The following PTPRG variants were observed in gnomAD, a reference collection of about 807,000 sequenced individuals.
The protein encoded by PTPRG is receptor-type tyrosine-protein phosphatase gamma.
In PTPRG, 102 loss-of-function variants were observed where a neutral mutation model predicts 165.3. The observed-to-expected ratio is 0.62, with a 90% CI of 0.53 to 0.73. The LOEUF is 0.73. Ranked by LOEUF, PTPRG falls within the 30% of genes least tolerant of loss-of-function variation. The probability of loss-of-function intolerance (pLI) is 0.00; values close to 1 mark genes in which losing one functional copy is unlikely to be tolerated. For missense variants in PTPRG, 1,866 were observed against 1,861.4 expected (o/e 1.00, Z -0.05); for synonymous variants, 675 against 669.5 (o/e 1.01, Z -0.13).
rs2030509779 is a variant in PTPRG at position 61,695,356 on chromosome 3, A to G, written c.86-53522A>G. 2.6e-5 allele frequency among the ~76,000 whole-genome samples: 4 copies of G among 152,262 alleles called. 1 individual carries two copies. The South Asian group carries it at 8.3e-4, about 32-fold the overall frequency. ...GGTCCTCCATTTTTTCAAAATTTGG[A>G]AATAGGAGTTCCTGCATTGGCTTGA... is the stretch of plus-strand genomic sequence containing the variant. On this transcript the variant is annotated intron_variant, in intron 1 of 29. Transcript: ENST00000474889.
In PTPRG at chr3:61,795,990, G is replaced by A. The variant is rs140440610; in HGVS notation, c.190+47008G>A. Among the ~76,000 whole-genome samples, 1,035 of 152,272 alleles carry A rather than the reference G, an allele frequency of 6.8e-3. 5 individuals are homozygous for A. Among genetic ancestry groups the A allele is most frequent in the Non-Finnish European group, 9.7e-3 (658 of 68,028 alleles). On this transcript the variant is annotated intron_variant, in intron 2 of 29. Transcript: ENST00000474889. ...TTTATTCAGATTTTGTCCTTGGCCT[G>A]TTCCCCACCAGCCAAAGCAGGGAGA...
chr3:61,621,868 G>GTATATTAA (rs1346645326), intron 1 of PTPRG, among the ~76,000 whole-genome samples: 1 of 152,040 alleles, frequency 6.6e-6, no homozygotes, highest in African/African-American at 2.4e-5. Context: ...TAATGTATGT[G>GTATATTAA]GTTCTCTGTA....
chr3:61,773,678 C>A (rs1250312899), intron 2 of PTPRG, among the ~76,000 whole-genome samples: 1 of 151,924 alleles, frequency 6.6e-6, no homozygotes, highest in Non-Finnish European at 1.5e-5. Context: ...AAGCTCACTG[C>A]TGTATCCTGA....
chr3:61,805,160 ATTTGGGGCTAT>A, intron 2 of PTPRG, among the ~76,000 whole-genome samples: 1 of 152,006 alleles, frequency 6.6e-6, no homozygotes, highest in East Asian at 1.9e-4. Context: ...GTGGTTCTCA[ATTTGGGGCTAT>A]TTTACTCCAG....
chr3:61,577,727 C>T (rs967218874), intron 1 of PTPRG, among the ~76,000 whole-genome samples: 2 of 152,120 alleles, frequency 1.3e-5, no homozygotes, highest in African/African-American at 4.8e-5. Flanking sequence ...TCTTTCCAAC[C>T]TTTTCTCACC....
chr3:62,116,519 C>G (rs1576021575), intron 5 of PTPRG, among the ~76,000 whole-genome samples: 3 of 152,262 alleles, frequency 2.0e-5, no homozygotes. Context: ...CTTGGACAAA[C>G]ATGGGTGAAT....
intron 2 of PTPRG, among the ~76,000 whole-genome samples, chr3:61,895,367 G>GT (rs2038325669): frequency 6.6e-6 from 1 of 152,154 alleles, no homozygotes; most frequent in Non-Finnish European, 1.5e-5. Context: ...ACAGAATAGA[G>GT]TACCTTCATG....
chr3:62,015,136 A>G (rs2041510330), intron 4 of PTPRG, among the ~76,000 whole-genome samples: 2 of 152,234 alleles, frequency 1.3e-5, no homozygotes. Context: ...GCTTCTCTAG[A>G]GACATTTCTA....
At chr3:61,799,593 A>C (rs193079356) in intron 2 of PTPRG, among the ~76,000 whole-genome samples, 2 of 152,310 alleles carry the variant, frequency 1.3e-5, no homozygotes, top group African/African-American at 4.8e-5. Flanking sequence ...TCATAATTAC[A>C]TGGGGCTTAT....
chr3:62,154,125 C>T (rs946229637), intron 6 of PTPRG, among the ~76,000 whole-genome samples: 2 of 152,194 alleles, frequency 1.3e-5, no homozygotes, highest in African/African-American at 4.8e-5. Flanking sequence ...TACTCGGCTT[C>T]AGCCACCAGG....
At chr3:61,834,768 G>A (rs559504121) in intron 2 of PTPRG, among the ~76,000 whole-genome samples, 6 of 152,204 alleles carry the variant, frequency 3.9e-5, no homozygotes, top group East Asian at 1.9e-4. Flanking sequence ...AGCTGAGATC[G>A]TGCCACTGCA....
intron 6 of PTPRG, among the ~76,000 whole-genome samples, chr3:62,151,172 A>T (rs879674088): frequency 6.6e-6 from 1 of 152,226 alleles, no homozygotes; most frequent in African/African-American, 2.4e-5. Flanking sequence ...AATCAGCCAG[A>T]TATAATTTAA....
At position 62,168,108 on chromosome 3, in the gene PTPRG, G is replaced by A. The variant is rs1397314871; in HGVS notation, c.978G>A (p.Trp326Ter). The A allele has an allele frequency of 6.2e-7, 1 of 1,613,928 alleles. No individual in the cohort carries two copies. Among genetic ancestry groups the A allele is most frequent in the Non-Finnish European group, 8.5e-7 (1 of 1,179,998 alleles). Residue 326 changes from tryptophan (W) to a stop codon, truncating the protein, a stop_gained, in exon 8 of 30, where the codon TGG becomes TGA. Transcript: ENST00000474889. LOFTEE classifies it high-confidence loss of function. ...CCAAGTCCGCCGTCCGTGACTCCTG[G>A]AACCACGACATGACAGACTTCTTAG... ...VVSKSAVRDS[W>*]NHDMTDFLEN...
rs527711451 is a variant in PTPRG, at chr3:62,068,178, A to G, written c.520-9985A>G. Among the ~76,000 whole-genome samples the G allele has an allele frequency of 5.9e-5, 9 of 152,292 alleles. No individual in the cohort carries two copies. In the South Asian group the frequency reaches 1.7e-3, roughly 28 times the overall value. Reference sequence around the variant, plus strand: ...TCACTTCTAGAAAATAGTAGTATTGATTTAAGGAATTAATTGATGTAAAAC... The same window carrying G: ...TCACTTCTAGAAAATAGTAGTATTGGTTTAAGGAATTAATTGATGTAAAAC... On this transcript the variant is annotated intron_variant, in intron 4 of 29. Transcript: ENST00000474889.
intron 26 of PTPRG, among the ~76,000 whole-genome samples, chr3:62,279,818 C>A (rs566671389): frequency 1.2e-4 from 18 of 152,068 alleles, no homozygotes; most frequent in Non-Finnish European, 2.5e-4. Flanking sequence ...ACAAAGCCTT[C>A]TTTGTTTTGA....
chr3:61,667,144 C>T (rs1193859642), intron 1 of PTPRG, among the ~76,000 whole-genome samples: 1 of 152,106 alleles, frequency 6.6e-6, no homozygotes, highest in East Asian at 1.9e-4. Context: ...TCCAGTGACC[C>T]CAAATCATAA....
At chr3:62,235,554 TA>T (rs1449098732) in intron 14 of PTPRG, among the ~76,000 whole-genome samples, 1 of 152,206 alleles carries the variant, frequency 6.6e-6, no homozygotes, top group Non-Finnish European at 1.5e-5. Context: ...TTGGCAAACT[TA>T]ATGCCTAGCT....
intron 15 of PTPRG, among the ~76,000 whole-genome samples, chr3:62,246,956 T>A (rs1701300964): frequency 6.6e-6 from 1 of 152,084 alleles, no homozygotes; most frequent in Non-Finnish European, 1.5e-5. Context: ...GCTAAAAATA[T>A]GTGCAGCAGG....
chr3:62,200,277 A>G (rs959035476), intron 10 of PTPRG, among the ~76,000 whole-genome samples: 2 of 151,774 alleles, frequency 1.3e-5, no homozygotes, highest in African/African-American at 4.8e-5. Context: ...ATTTTTATTT[A>G]TTTATTTTTT....
Sources: allele counts gnomAD v4.1 joint callset (sites outside exome capture counted in the v4.1 genomes callset), GRCh38; gene constraint gnomAD v4.1.1; transcripts MANE v1.5; gene names NCBI Gene and HGNC (gene_info 2026-07-23, HGNC 2026-07-21).